The following RBFOX1 variants were observed in gnomAD, a reference collection of about 807,000 sequenced individuals.
The protein encoded by RBFOX1 is RNA binding protein fox-1 homolog 1.
RBFOX1 carries 8 observed loss-of-function variants against 57.7 expected under a neutral mutation model. That is an observed-to-expected ratio of 0.14 (90% confidence interval 0.08 to 0.25). The LOEUF (loss-of-function observed/expected upper bound fraction) is 0.25. Ranked by LOEUF, RBFOX1 falls within the 10% of genes least tolerant of loss-of-function variation. The pLI is 1.00. For missense variants in RBFOX1, 611 were observed against 548.5 expected (o/e 1.11, Z -1.14); for synonymous variants, 326 against 222.4 (o/e 1.47, Z -4.15).
chr16:6,709,111 A>G (rs1448577615), intron 3 of RBFOX1, among the ~76,000 whole-genome samples: 3 of 152,184 alleles, frequency 2.0e-5, no homozygotes, highest in African/African-American at 4.8e-5. Context: ...AGCTTATGTC[A>G]TATAAATGTA....
In RBFOX1 at chr16:6,402,635, C is replaced by A. The variant is rs529268385; in HGVS notation, c.-64+85578C>A. Among the ~76,000 whole-genome samples the A allele has an allele frequency of 9.8e-5, 15 of 152,300 alleles. No homozygotes were observed. In the South Asian group the frequency reaches 1.0e-3, roughly 11 times the overall value. On this transcript the variant is annotated intron_variant, in intron 2 of 15. Coordinates refer to ENST00000550418, the MANE Select transcript of RBFOX1 (RefSeq NM_018723.4). The stretch of plus-strand genomic sequence containing the variant: ...GTCCTCTGCCTCCTTCCACTACTGT[C>A]CACACAATACCTATGTAAACACATA...
At chr16:5,329,526 A>G (rs2064685721) in intron 1 of RBFOX1, among the ~76,000 whole-genome samples, 1 of 152,222 alleles carries the variant, frequency 6.6e-6, no homozygotes, top group South Asian at 2.1e-4. Flanking sequence ...TTGACATGAG[A>G]TTTGGGTGGG....
chr16:7,707,185 A>T (rs2082732818), intron 14 of RBFOX1, among the ~76,000 whole-genome samples: 2 of 152,174 alleles, frequency 1.3e-5, no homozygotes, highest in African/African-American at 4.8e-5. Flanking sequence ...CCTTTGACAC[A>T]GGCAGATGGG....
At chr16:7,308,224 T>A (rs1279113483) in intron 4 of RBFOX1, among the ~76,000 whole-genome samples, 3 of 151,424 alleles carry the variant, frequency 2.0e-5, no homozygotes, top group African/African-American at 7.3e-5. Flanking sequence ...TAAGGTATGG[T>A]GAGGCAACAG....
At chr16:7,627,999 T>C (rs960789051) in intron 10 of RBFOX1, among the ~76,000 whole-genome samples, 2 of 151,946 alleles carry the variant, frequency 1.3e-5, no homozygotes, top group African/African-American at 4.8e-5. Flanking sequence ...TAAAAAAAAT[T>C]AGGAATGCTT....
chr16:7,031,680 C>T (rs187988274), intron 3 of RBFOX1, among the ~76,000 whole-genome samples: 39 of 152,106 alleles, frequency 2.6e-4, no homozygotes, highest in Admixed American at 7.9e-4. Context: ...ATGGGATTGG[C>T]GAGATAATCC....
chr16:5,302,913 T>C (rs570791532), intron 1 of RBFOX1, among the ~76,000 whole-genome samples: 6 of 152,364 alleles, frequency 3.9e-5, no homozygotes, highest in African/African-American at 1.4e-4. Flanking sequence ...ATGGAGAGTT[T>C]AGGCCATTTA....
chr16:7,632,026 C>G (rs2061049027), intron 11 of RBFOX1, among the ~76,000 whole-genome samples: 1 of 152,172 alleles, frequency 6.6e-6, no homozygotes, highest in Non-Finnish European at 1.5e-5. Context: ...TCTCATGACT[C>G]AGCCTCCCAA....
At chr16:5,310,860 A>T (rs1360537757) in intron 1 of RBFOX1, among the ~76,000 whole-genome samples, 1 of 152,210 alleles carries the variant, frequency 6.6e-6, no homozygotes, top group Non-Finnish European at 1.5e-5. Flanking sequence ...AAAAATTTCA[A>T]TAGCTTTTGG....
rs780783865 is a variant in RBFOX1 at position 7,092,517 on chromosome 16, G to T, written c.27+40419G>T. Among the ~76,000 whole-genome samples the T allele has an allele frequency of 6.6e-5, 10 of 152,288 alleles. 1 individual carries two copies. Among genetic ancestry groups the T allele is most frequent in the Middle Eastern group, 6.8e-3 (2 of 292 alleles). ...TGTATAGACAGTGTTCCAGCGAATG[G>T]CGATTCCAGAACTTATTTAACCAAT... On this transcript the variant is annotated intron_variant, in intron 4 of 15. Coordinates refer to ENST00000550418, the MANE Select transcript of RBFOX1 (RefSeq NM_018723.4).
intron 4 of RBFOX1, among the ~76,000 whole-genome samples, chr16:7,256,488 C>G (rs1207243372): frequency 6.6e-6 from 1 of 152,188 alleles, no homozygotes; most frequent in Admixed American, 6.5e-5. Context: ...CCTTTTTAGA[C>G]CTTTTTTCCC....
intron 4 of RBFOX1, among the ~76,000 whole-genome samples, chr16:7,395,072 T>C (rs553719908): frequency 6.6e-6 from 1 of 152,324 alleles, no homozygotes; most frequent in East Asian, 1.9e-4. Context: ...ATAGAGCCAT[T>C]TGTTGATTCA....
At chr16:5,590,411 G>A (rs568354503) in intron 2 of RBFOX1, among the ~76,000 whole-genome samples, 92 of 152,296 alleles carry the variant, frequency 6.0e-4, no homozygotes, top group African/African-American at 2.2e-3. Flanking sequence ...TAAGTTGGGG[G>A]AAATGAGGGT....
chr16:7,585,316 A>C (rs1463627805), intron 6 of RBFOX1, among the ~76,000 whole-genome samples: 1 of 152,192 alleles, frequency 6.6e-6, no homozygotes, highest in African/African-American at 2.4e-5. Context: ...TCTCTGCCTA[A>C]AACTAGGGCA....
chr16:7,243,966 G>A (rs865814349), intron 4 of RBFOX1, among the ~76,000 whole-genome samples: 55 of 116,084 alleles, frequency 4.7e-4, no homozygotes, highest in African/African-American at 2.1e-3. Context: ...TACAAAACTC[G>A]ATAACTAACA....
At chr16:5,745,174 A>C (rs762308607) in intron 3 of RBFOX1, among the ~76,000 whole-genome samples, 1 of 151,996 alleles carries the variant, frequency 6.6e-6, no homozygotes, top group Non-Finnish European at 1.5e-5. Context: ...TCCCACCTAT[A>C]AGTGAGAACA....
chr16:6,190,819 G>C (rs765297720), intron 1 of RBFOX1, among the ~76,000 whole-genome samples: 3 of 152,082 alleles, frequency 2.0e-5, no homozygotes, highest in Admixed American at 6.6e-5. Context: ...AATTCTAAAA[G>C]GTTTAAAGCT....
rs529755000 is a variant in RBFOX1, at chr16:5,285,306, C to T, written c.219+45201C>T. Reference sequence around the variant, plus strand: ...TCTCTTCCAGGATTTGTGTTTGGTTCTTTGTTATGCTGTCTGTCTCTGTTG... The same window carrying T: ...TCTCTTCCAGGATTTGTGTTTGGTTTTTTGTTATGCTGTCTGTCTCTGTTG... On this transcript the variant is annotated intron_variant, in intron 1 of 2. Coordinates refer to the RBFOX1 transcript ENST00000585867. 2.6e-5 allele frequency among the ~76,000 whole-genome samples: 4 copies of T among 152,184 alleles called. No homozygotes were observed. In the East Asian group the frequency reaches 7.7e-4, roughly 29 times the overall value.
intron 4 of RBFOX1, among the ~76,000 whole-genome samples, chr16:7,214,087 AAT>A (rs1567734430): frequency 6.7e-6 from 1 of 150,342 alleles, no homozygotes; most frequent in Non-Finnish European, 1.5e-5. Context: ...AAAAAAAAAA[AAT>A]TTTTCCACTT....
Sources: allele counts gnomAD v4.1 joint callset (sites outside exome capture counted in the v4.1 genomes callset), GRCh38; gene constraint gnomAD v4.1.1; transcripts MANE v1.5; gene names NCBI Gene and HGNC (gene_info 2026-07-23, HGNC 2026-07-21).